The following LNX1 variants were observed in gnomAD, a reference collection of about 807,000 sequenced individuals.
The protein encoded by LNX1 is E3 ubiquitin-protein ligase LNX.
In LNX1, 54 loss-of-function variants were observed where a neutral mutation model predicts 68.4. That is an observed-to-expected ratio of 0.79 (90% confidence interval 0.63 to 0.99). The LOEUF is 0.99. Ranked by LOEUF, LNX1 falls within the 50% of genes least tolerant of loss-of-function variation. The pLI is 0.00. For missense variants in LNX1, 906 were observed against 926.4 expected (o/e 0.98, Z 0.29); for synonymous variants, 336 against 350.0 (o/e 0.96, Z 0.45).
chr4:53,484,175 T>C (rs1213608101), intron 6 of LNX1, among the ~76,000 whole-genome samples: 1 of 152,206 alleles, frequency 6.6e-6, no homozygotes, highest in Non-Finnish European at 1.5e-5. Context: ...TTATGTTGTT[T>C]ACAAGCCACC....
At chr4:53,489,307 C>G (rs1340473139) in intron 6 of LNX1, among the ~76,000 whole-genome samples, 2 of 151,982 alleles carry the variant, frequency 1.3e-5, no homozygotes, top group African/African-American at 4.8e-5. Context: ...TTTATTTTTC[C>G]CAGTAGACTA....
At chr4:53,648,907 C>T (rs565980613) in intron 1 of LNX1, among the ~76,000 whole-genome samples, 47 of 152,206 alleles carry the variant, frequency 3.1e-4, no homozygotes, top group African/African-American at 1.1e-3. Flanking sequence ...GCCCTGAAAC[C>T]CACTGAGTGT....
chr4:53,481,991 T>C, intron 6 of LNX1, 137 bp from the exon 7 acceptor site: 1 of 1,102,598 alleles, frequency 9.1e-7, no homozygotes, highest in South Asian at 1.8e-5. Flanking sequence ...TGGGTTTTTT[T>C]GTTACTATCC....
At chr4:53,627,152 A>C (rs2109867229) in intron 1 of LNX1, among the ~76,000 whole-genome samples, 1 of 152,292 alleles carries the variant, frequency 6.6e-6, no homozygotes, top group Non-Finnish European at 1.5e-5. Context: ...TTGGTCTCAC[A>C]GGATAATGGT....
At chr4:53,584,470 G>A (rs1732038549) in intron 1 of LNX1, among the ~76,000 whole-genome samples, 1 of 152,184 alleles carries the variant, frequency 6.6e-6, no homozygotes, top group South Asian at 2.1e-4. Context: ...CCATGGACAA[G>A]CTTTGGAGGA....
At chr4:53,535,306 T>C (rs1728292167) in intron 2 of LNX1, among the ~76,000 whole-genome samples, 1 of 152,218 alleles carries the variant, frequency 6.6e-6, no homozygotes, top group Non-Finnish European at 1.5e-5. Context: ...TTAGTCCTTT[T>C]TGCAAATTTT....
At chr4:53,650,709 G>T (rs185476728) in intron 1 of LNX1, among the ~76,000 whole-genome samples, 1 of 151,796 alleles carries the variant, frequency 6.6e-6, no homozygotes, top group Non-Finnish European at 1.5e-5. Context: ...GTCCCCTTCC[G>T]TGTCCCCCCA....
chr4:53,629,313 A>G (rs1429885937), intron 1 of LNX1, among the ~76,000 whole-genome samples: 2 of 152,136 alleles, frequency 1.3e-5, no homozygotes, highest in Admixed American at 6.5e-5. Context: ...AACTGTCCCC[A>G]GCAGAAACCA....
At chr4:53,477,020 CACAA>C in intron 8 of LNX1, 39 bp from the exon 9 acceptor site, 1 of 1,540,090 alleles carries the variant, frequency 6.5e-7, no homozygotes, top group Non-Finnish European at 9.0e-7. Context: ...TTAGTGAGAG[CACAA>C]ACAGGGACTT....
rs1721456340 is a variant in LNX1, at chr4:53,459,796, C to T, written c.*1111G>A. 3.2e-6 allele frequency: 1 copy of T among 316,848 alleles called. No individual in the cohort carries two copies. Among genetic ancestry groups the T allele is most frequent in the South Asian group, 4.9e-5 (1 of 20,468 alleles). The allele number at this position is 316,848 out of a possible 1,614,324, so 19.6% of individuals were successfully genotyped here. On this transcript the variant is annotated 3_prime_UTR_variant, in exon 11 of 11. Transcript: ENST00000263925. ...CTTGGGCCACAGTTTTTTTGTTAAT[C>T]AAACACCACTCTCTTAAGAGGCTGC...
chr4:53,529,894 A>T (rs904200778), intron 2 of LNX1, among the ~76,000 whole-genome samples: 1 of 152,194 alleles, frequency 6.6e-6, no homozygotes, highest in Admixed American at 6.5e-5. Flanking sequence ...CTCTATTCCA[A>T]GACATGTACA....
intron 1 of LNX1, among the ~76,000 whole-genome samples, chr4:53,589,831 C>T (rs1034246256): frequency 6.6e-6 from 1 of 152,236 alleles, no homozygotes; most frequent in African/African-American, 2.4e-5. Flanking sequence ...GTCTTTGTCA[C>T]TTCTTTTCTT....
intron 2 of LNX1, among the ~76,000 whole-genome samples, chr4:53,520,264 T>C (rs1206785864): frequency 6.6e-6 from 1 of 152,124 alleles, no homozygotes; most frequent in African/African-American, 2.4e-5. Context: ...ACTGATTCCA[T>C]TGTTTAGTTT....
chr4:53,557,113 C>T (rs1729962890), intron 2 of LNX1, among the ~76,000 whole-genome samples: 1 of 152,168 alleles, frequency 6.6e-6, no homozygotes, highest in Non-Finnish European at 1.5e-5. Context: ...ACAAAAGGAG[C>T]TGGAAAAATA....
chr4:53,547,366 C>T (rs1729182764), intron 2 of LNX1, among the ~76,000 whole-genome samples: 1 of 152,140 alleles, frequency 6.6e-6, no homozygotes, highest in African/African-American at 2.4e-5. Flanking sequence ...TCACAACAGC[C>T]TGTGAGGTAA....
At chr4:53,586,172 G>A (rs1732158462) in intron 1 of LNX1, among the ~76,000 whole-genome samples, 1 of 152,114 alleles carries the variant, frequency 6.6e-6, no homozygotes, top group Non-Finnish European at 1.5e-5. Flanking sequence ...ATGGCTGAGT[G>A]TGTGTATGTT....
chr4:53,624,001 T>C (rs1304034892), intron 1 of LNX1, among the ~76,000 whole-genome samples: 1 of 152,190 alleles, frequency 6.6e-6, no homozygotes, highest in African/African-American at 2.4e-5. Flanking sequence ...GTTTTTGTGA[T>C]GCTGGGTTTT....
rs550807546 is a variant in LNX1, at chr4:53,543,851, A to G, written c.380+29772T>C. Among the ~76,000 whole-genome samples, 105 of 152,306 alleles carry G rather than the reference A, an allele frequency of 6.9e-4. No individual in the cohort carries two copies. The Middle Eastern group carries it at 0.01, about 15-fold the overall frequency. On this transcript the variant is annotated intron_variant, in intron 2 of 10. Coordinates refer to ENST00000263925, the MANE Select transcript of LNX1 (RefSeq NM_001126328.3). ...GGGAAAGAAAAAACAAATCTCCATG[A>G]TGCTTTCTTTAGATGACACTAAGCA... is the stretch of plus-strand genomic sequence containing the variant.
intron 1 of LNX1, chr4:53,576,174 C>T: frequency 6.3e-7 from 1 of 1,577,308 alleles, no homozygotes; most frequent in South Asian, 1.2e-5. Flanking sequence ...ATGTTGCTGA[C>T]TTTCAGTGGT....
Sources: gnomAD v4.1 joint callset for allele counts (sites outside exome capture counted in the v4.1 genomes callset) on GRCh38, gnomAD v4.1.1 for gene constraint, MANE v1.5 for transcripts, NCBI Gene and HGNC (gene_info 2026-07-23, HGNC 2026-07-21) for gene names.